Variants in ZSCAN31 observed in about 807,000 individuals in gnomAD.
The protein encoded by ZSCAN31 is zinc finger and SCAN domain-containing protein 31.
A neutral mutation model predicts 22.5 loss-of-function variants in ZSCAN31; 14 were observed. That is an observed-to-expected ratio of 0.62 (90% confidence interval 0.41 to 0.97). The LOEUF is 0.97. Ranked by LOEUF, ZSCAN31 falls within the 50% of genes least tolerant of loss-of-function variation. The pLI is 0.00. For missense variants in ZSCAN31, 424 were observed against 483.4 expected, an observed-to-expected ratio of 0.88 and a Z score of 1.15; for synonymous variants, 168 against 169.8, an observed-to-expected ratio of 0.99 and a Z score of 0.08.
At chr6:28,345,309 CA>C (rs1461602223) in intron 2 of ZSCAN31, among the ~76,000 whole-genome samples, 5 of 152,044 alleles carry the variant, frequency 3.3e-5, no homozygotes, top group Non-Finnish European at 7.4e-5. Context: ...ATGGAAAAGG[CA>C]ATGAACAAAT....
upstream of ZSCAN31, among the ~76,000 whole-genome samples, chr6:28,340,335 G>A (rs1033239807): frequency 6.6e-6 from 1 of 152,186 alleles, no homozygotes; most frequent in African/African-American, 2.4e-5. Flanking sequence ...ATCTTGAATT[G>A]TTCCCATAAT....
chr6:28,346,834 T>C (rs1369824607), intron 2 of ZSCAN31, among the ~76,000 whole-genome samples: 3 of 152,158 alleles, frequency 2.0e-5, no homozygotes, highest in African/African-American at 7.2e-5. Context: ...TAAATATCCT[T>C]TATGACTTTA....
At chr6:28,332,644 T>C (rs1338260556) in intron 1 of ZSCAN31, among the ~76,000 whole-genome samples, 10 of 152,256 alleles carry the variant, frequency 6.6e-5, no homozygotes, top group Non-Finnish European at 1.5e-4. Flanking sequence ...AATATCTTCA[T>C]TTCATAGAGG....
upstream of ZSCAN31, among the ~76,000 whole-genome samples, chr6:28,340,372 T>A (rs1242345986): frequency 1.3e-5 from 2 of 152,188 alleles, no homozygotes; most frequent in Non-Finnish European, 2.9e-5. Flanking sequence ...AAGGGCCCAG[T>A]GGGAAATAAT....
At chr6:28,348,892 ATG>A (rs1460841050) in intron 2 of ZSCAN31, among the ~76,000 whole-genome samples, 1 of 150,922 alleles carries the variant, frequency 6.6e-6, no homozygotes, top group Non-Finnish European at 1.5e-5. Flanking sequence ...GTGTATACAC[ATG>A]TCTTATATAC....
chr6:28,329,616 T>G lies in ZSCAN31; in HGVS notation c.68A>C (p.Gln23Pro). ...VKVEEDPIWD[Q>P]ETHLRGNNFS... is the part of the protein sequence containing the mutation. ...GTTGTTCCCTCGAAGGTGGGTTTCT[T>G]GGTCCCAGATAGGGTCTTCCTCCAC... Residue 23 changes from glutamine (Q) to proline (P), a missense_variant, in exon 2 of 4, where the codon CAA becomes CCA. Coordinates refer to ENST00000344279, the MANE Select transcript of ZSCAN31 (RefSeq NM_030899.5). The G allele has an allele frequency of 1.2e-6, 2 of 1,614,256 alleles. No homozygotes were observed. The highest frequency in any genetic ancestry group is 2.2e-5 in the South Asian group (2 of 91,084).
At chr6:28,345,055 G>T (rs1363814855) in intron 2 of ZSCAN31, among the ~76,000 whole-genome samples, 4 of 148,318 alleles carry the variant, frequency 2.7e-5, no homozygotes, top group Admixed American at 2.0e-4. Context: ...TGAGGCAAAA[G>T]AATTGCTTGA....
intron 2 of ZSCAN31, among the ~76,000 whole-genome samples, chr6:28,346,342 CTTTTT>C (rs5875155): frequency 0.047 from 4,085 of 87,820 alleles, 110 homozygotes; most frequent in Middle Eastern, 0.12. Flanking sequence ...TCAGTACAAT[CTTTTT>C]TTTTTTTTTT....
At position 28,351,362 on chromosome 6, in the gene ZSCAN31, C is replaced by G. The variant is rs559001956; in HGVS notation, c.-371+2500G>C. ...ACACCCTCCTCATTCCACTTGGGCT[C>G]CAGATTCACTCTGGGTTGGGCTGTG... On this transcript the variant is annotated intron_variant, in intron 2 of 7. Transcript: ENST00000396838. This position sits in a 1 kb window ranked among gnomAD's most constrained non-coding sequence, Gnocchi z 4.6. Among the ~76,000 whole-genome samples the G allele has an allele frequency of 4.6e-5, 7 of 152,314 alleles. No individual in the cohort carries two copies. In the East Asian group the frequency reaches 9.6e-4, roughly 21 times the overall value.
chr6:28,346,340 ATCTTT>A (rs1245751921), intron 2 of ZSCAN31, among the ~76,000 whole-genome samples: 5 of 88,604 alleles, frequency 5.6e-5, no homozygotes, highest in Admixed American at 1.3e-4. Flanking sequence ...CCTCAGTACA[ATCTTT>A]TTTTTTTTTT....
In ZSCAN31 at chr6:28,329,296, C is replaced by G; in HGVS notation, c.381+7G>C. ...TAATGTCTAGAAGTCCATCTTTCTCCTCTCACCTGGTTCCCTGGCTCACTA... is the reference window on the plus strand; with the variant it reads ...TAATGTCTAGAAGTCCATCTTTCTCGTCTCACCTGGTTCCCTGGCTCACTA... On this transcript the variant is annotated splice_region_variant and intron_variant, in intron 2 of 3. Transcript: ENST00000344279. 1 of 1,560,694 alleles carries G rather than the reference C, an allele frequency of 6.4e-7. No homozygotes were observed. Among genetic ancestry groups the G allele is most frequent in the South Asian group, 1.2e-5 (1 of 81,460 alleles).
At chr6:28,342,727 C>CT (rs1225924634) in intron 2 of ZSCAN31, among the ~76,000 whole-genome samples, 1 of 152,172 alleles carries the variant, frequency 6.6e-6, no homozygotes, top group Non-Finnish European at 1.5e-5. Flanking sequence ...ATCCACAGTA[C>CT]TTTTTTAAAA....
intron 2 of ZSCAN31, among the ~76,000 whole-genome samples, chr6:28,342,122 G>A (rs1464635045): frequency 6.6e-6 from 1 of 152,182 alleles, no homozygotes; most frequent in Non-Finnish European, 1.5e-5. Context: ...GTCTCCTTCA[G>A]CCAGAAGGGC....
upstream of ZSCAN31, among the ~76,000 whole-genome samples, chr6:28,339,859 C>T (rs1764344172): frequency 6.6e-6 from 1 of 151,802 alleles, no homozygotes; most frequent in African/African-American, 2.4e-5. Flanking sequence ...ATTTTTTCCC[C>T]TCAAATTTTG....
intron 1 of ZSCAN31, chr6:28,335,241 T>A (rs142205497): frequency 6.6e-6 from 1 of 152,030 alleles, no homozygotes; most frequent in East Asian, 1.9e-4. Context: ...GGGGAAAAAA[T>A]CAGGTTGCAG....
intron 2 of ZSCAN31, among the ~76,000 whole-genome samples, chr6:28,348,777 T>C (rs1044847247): frequency 6.6e-6 from 1 of 152,180 alleles, no homozygotes; most frequent in Non-Finnish European, 1.5e-5. Context: ...AATTGGAATC[T>C]TGATTTGCTT....
rs1581654215 is a variant in ZSCAN31, at chr6:28,325,400, T to C, written c.*766A>G. The stretch of plus-strand genomic sequence containing the variant: ...TACAGTAATGACCTGCATTGAGAAT[T>C]TGATATGAATCATCAACATAGTTAT... On this transcript the variant is annotated 3_prime_UTR_variant, in exon 4 of 4. Transcript: ENST00000344279. The C allele has an allele frequency of 1.3e-5, 2 of 152,218 alleles. No individual in the cohort carries two copies. Among genetic ancestry groups the C allele is most frequent in the Admixed American group, 1.3e-4 (2 of 15,280 alleles). 9.4% of individuals were successfully genotyped at this position (152,218 alleles called of 1,614,324 possible).
chr6:28,326,266 G>A lies in ZSCAN31; in HGVS notation c.1121C>T (p.Thr374Ile). 1 of 1,614,216 alleles carries A rather than the reference G, an allele frequency of 6.2e-7. No homozygotes were observed. Among genetic ancestry groups the A allele is most frequent in the Non-Finnish European group, 8.5e-7 (1 of 1,180,040 alleles). The change falls in exon 4 of 4, where the codon ACT (threonine) becomes ATT (isoleucine). Residue 374 changes from threonine to isoleucine, a missense_variant. Transcript: ENST00000344279. ...ACTGCACTGATAGGGTTTCTCACCA[G>A]TGTGGACTCGGAGATGCTGGAAAAG... ...AGLFQHLRVH[T>I]GEKPYQCSQC...
chr6:28,343,574 C>T (rs1415094502), intron 2 of ZSCAN31, among the ~76,000 whole-genome samples: 38 of 126,016 alleles, frequency 3.0e-4, no homozygotes, highest in African/African-American at 7.3e-4. Context: ...GATGGAGTCT[C>T]GCTCTGTCGC....
Sources: gnomAD v4.1 joint callset for allele counts (sites outside exome capture counted in the v4.1 genomes callset) on GRCh38, gnomAD v4.1.1 for gene constraint, Gnocchi (gnomAD v3.1) non-coding constraint, MANE v1.5 for transcripts, NCBI Gene and HGNC (gene_info 2026-07-23, HGNC 2026-07-21) for gene names.